The following PDE4D variants were observed in gnomAD, a reference collection of about 807,000 sequenced individuals.
PDE4D encodes phosphodiesterase 4D, also known as 3',5'-cyclic-AMP phosphodiesterase 4D.
Under a neutral mutation model 87.4 loss-of-function variants are expected in PDE4D, and 24 were observed. The ratio of observed to expected loss-of-function variants is 0.27; its 90% CI spans 0.20 to 0.39. PDE4D has a LOEUF of 0.39. Ranked by LOEUF, PDE4D falls within the 10% of genes least tolerant of loss-of-function variation. The pLI, the probability that PDE4D is intolerant of heterozygous loss-of-function variation, is 1.00. For missense variants in PDE4D, 714 were observed against 1,041.0 expected, an observed-to-expected ratio of 0.69 and a Z score of 4.32; for synonymous variants, 384 against 383.2, an observed-to-expected ratio of 1.00 and a Z score of -0.02.
At chr5:59,010,391 T>C (rs1243556597) in intron 6 of PDE4D, among the ~76,000 whole-genome samples, 6 of 148,284 alleles carry the variant, frequency 4.0e-5, no homozygotes, top group Admixed American at 3.3e-4. Flanking sequence ...TTAAGTATTA[T>C]TATTTTATTT....
Position 58,976,259 on chromosome 5 carries a change from G to A in PDE4D, c.1830+91C>T, listed in dbSNP as rs901864405. The A allele has an allele frequency of 5.2e-6, 7 of 1,342,204 alleles. No individual in the cohort carries two copies. The East Asian group carries it at 7.6e-5, about 15-fold the overall frequency. 83.1% of individuals were successfully genotyped at this position (1,342,204 alleles called of 1,614,324 possible). A position where few individuals can be genotyped will look rare whatever the true frequency, so the allele number is the denominator to read the frequency against. ...TGCTGAAAGTATAAGGTGGGAGAAG[G>A]AAGAAATACATCTTATCAAAGCTGA... On this transcript the variant is annotated intron_variant, in intron 13 of 14. Coordinates refer to ENST00000340635, the MANE Select transcript of PDE4D (RefSeq NM_001104631.2).
At chr5:59,313,485 G>A (rs1773088170) in intron 1 of PDE4D, among the ~76,000 whole-genome samples, 1 of 152,050 alleles carries the variant, frequency 6.6e-6, no homozygotes, top group African/African-American at 2.4e-5. Context: ...CTACCTCAGG[G>A]TTTTAGAGAT....
At chr5:59,043,827 T>TA (rs1478395652) in intron 5 of PDE4D, among the ~76,000 whole-genome samples, 1 of 152,100 alleles carries the variant, frequency 6.6e-6, no homozygotes, top group Non-Finnish European at 1.5e-5. Context: ...GTCCTTGTGA[T>TA]AGTTTGCTGA....
At chr5:60,180,395 A>G (rs1247772664) in intron 2 of PDE4D, among the ~76,000 whole-genome samples, 3 of 152,154 alleles carry the variant, frequency 2.0e-5, no homozygotes, top group African/African-American at 7.2e-5. Context: ...AGCTCAAAAT[A>G]TCCCTACTAA....
Position 59,893,382 on chromosome 5 carries a change from G to A in PDE4D, c.241C>T (p.Leu81=). 8.0e-7 allele frequency: 1 copy of A among 1,251,506 alleles called. No homozygotes were observed. Among genetic ancestry groups the A allele is most frequent in the Non-Finnish European group, 1.0e-6 (1 of 996,212 alleles). 77.5% of individuals were successfully genotyped at this position (1,251,506 alleles called of 1,614,324 possible). Residue 81 remains leucine, a synonymous_variant, in exon 1 of 15, where the codon CTG becomes TTG. Coordinates refer to ENST00000340635, the MANE Select transcript of PDE4D (RefSeq NM_001104631.2). Reference sequence around the variant, plus strand: ...CCGGGCGGCGGCGGGGGCGGCGGCAGGGGGGGCGGCGGCGGCGGCTGTAGC... The same window carrying A: ...CCGGGCGGCGGCGGGGGCGGCGGCAAGGGGGGCGGCGGCGGCGGCTGTAGC... ...CPLQPPPPPP[L]PPPPPPPGAA... is the part of the protein sequence containing the mutation.
intron 2 of PDE4D, among the ~76,000 whole-genome samples, chr5:60,139,043 C>G (rs1239300790): frequency 1.3e-5 from 2 of 151,944 alleles, no homozygotes; most frequent in African/African-American, 4.8e-5. Flanking sequence ...TCTGCTCACT[C>G]CAGTACTCAC....
intron 5 of PDE4D, among the ~76,000 whole-genome samples, chr5:59,078,071 A>G (rs1455764655): frequency 1.3e-5 from 2 of 152,004 alleles, no homozygotes; most frequent in African/African-American, 4.8e-5. Context: ...TCTTATATCC[A>G]TCTCCCTCCT....
chr5:60,200,858 C>A (rs1311415275), intron 1 of PDE4D, among the ~76,000 whole-genome samples: 1 of 151,862 alleles, frequency 6.6e-6, no homozygotes, highest in African/African-American at 2.4e-5. Context: ...AAGTAATAGA[C>A]CAAGGGAAAA....
intron 1 of PDE4D, among the ~76,000 whole-genome samples, chr5:59,362,472 A>G (rs900839561): frequency 3.3e-5 from 5 of 152,140 alleles, no homozygotes; most frequent in Middle Eastern, 6.8e-3. Flanking sequence ...TTTTATTTGC[A>G]GCATTAAAAC....
intron 1 of PDE4D, among the ~76,000 whole-genome samples, chr5:59,274,296 G>A (rs888302459): frequency 1.3e-5 from 2 of 152,076 alleles, no homozygotes; most frequent in Non-Finnish European, 1.5e-5. Flanking sequence ...GAAATACTGC[G>A]GATGGGGCAA....
intron 5 of PDE4D, among the ~76,000 whole-genome samples, chr5:59,119,054 G>A (rs1345892727): frequency 6.6e-6 from 1 of 152,070 alleles, no homozygotes; most frequent in Non-Finnish European, 1.5e-5. Flanking sequence ...GCGTGGAGAA[G>A]ATGAAATTAA....
At chr5:59,134,580 T>C (rs1776763641) in intron 5 of PDE4D, among the ~76,000 whole-genome samples, 1 of 152,186 alleles carries the variant, frequency 6.6e-6, no homozygotes, top group African/African-American at 2.4e-5. Context: ...GCCCACATTT[T>C]ATAGAGAAAG....
chr5:60,258,728 A>T (rs1404628823), intron 1 of PDE4D, among the ~76,000 whole-genome samples: 1 of 152,004 alleles, frequency 6.6e-6, no homozygotes, highest in African/African-American at 2.4e-5. Flanking sequence ...ATGCAGAAAC[A>T]ATTAAAAATT....
intron 1 of PDE4D, among the ~76,000 whole-genome samples, chr5:60,305,272 G>A (rs1754386839): frequency 6.6e-6 from 1 of 152,048 alleles, no homozygotes; most frequent in African/African-American, 2.4e-5. Context: ...TGGACAGTGG[G>A]TAAAATGAAA....
At chr5:60,051,605 C>G (rs553864593) in intron 2 of PDE4D, among the ~76,000 whole-genome samples, 2 of 152,078 alleles carry the variant, frequency 1.3e-5, no homozygotes, top group African/African-American at 2.4e-5. Flanking sequence ...AAAATCGACA[C>G]CCTAACGTCA....
intron 2 of PDE4D, among the ~76,000 whole-genome samples, chr5:60,167,495 C>G (rs1208028585): frequency 3.9e-5 from 6 of 151,998 alleles, no homozygotes; most frequent in Admixed American, 3.9e-4. Flanking sequence ...GTCTCGATCT[C>G]CTGACCTCGT....
intron 1 of PDE4D, among the ~76,000 whole-genome samples, chr5:59,220,341 G>A (rs1752223248): frequency 8.3e-6 from 1 of 119,876 alleles, no homozygotes; most frequent in Non-Finnish European, 1.6e-5. Flanking sequence ...TCGTGTCACT[G>A]CACTCCAATC....
At position 59,689,924 on chromosome 5, in the gene PDE4D, A is replaced by G. The variant is rs1750614607; in HGVS notation, c.455+203244T>C. 2.0e-5 allele frequency among the ~76,000 whole-genome samples: 3 copies of G among 152,178 alleles called. No individual in the cohort carries two copies. In the South Asian group the frequency reaches 6.2e-4, roughly 31 times the overall value. On this transcript the variant is annotated intron_variant, in intron 1 of 14. Coordinates refer to ENST00000340635, the MANE Select transcript of PDE4D (RefSeq NM_001104631.2). ...AAATCACAAGCATTCCTATACACCA[A>G]TAACAGACAAACAGCCAAATCCGAA...
intron 5 of PDE4D, among the ~76,000 whole-genome samples, chr5:59,106,311 TAGAG>T (rs1419758276): frequency 2.0e-5 from 3 of 152,224 alleles, no homozygotes; most frequent in Non-Finnish European, 4.4e-5. Flanking sequence ...GACTAATTGA[TAGAG>T]AGGGCAGATT....
Sources: allele counts gnomAD v4.1 joint callset (sites outside exome capture counted in the v4.1 genomes callset), GRCh38; gene constraint gnomAD v4.1.1; transcripts MANE v1.5; gene names NCBI Gene and HGNC (gene_info 2026-07-23, HGNC 2026-07-21).